Variants in RHBDL3 observed in about 807,000 individuals in gnomAD.
RHBDL3 encodes the protein rhomboid like 3.
Under a neutral mutation model 48.2 loss-of-function variants are expected in RHBDL3, and 28 were observed. That is an observed-to-expected ratio of 0.58 (90% CI 0.43 to 0.80). RHBDL3 has a LOEUF of 0.80. RHBDL3 is among the 30% of genes least tolerant of loss of function. The pLI, the probability that RHBDL3 is intolerant of heterozygous loss-of-function variation, is 0.00. For synonymous variants in RHBDL3, 208 were observed against 232.3 expected (o/e 0.90, Z 0.95); for missense variants, 464 against 542.7 (o/e 0.85, Z 1.44).
In RHBDL3 at chr17:32,321,280, G is replaced by A. The variant is rs893370200; in HGVS notation, c.*51G>A. ...GGGAGGGAAAAGCAGCACCCACAGGGAGCGCCTGCGAGGTTTCTTCTCATC... is the reference window on the plus strand; with the variant it reads ...GGGAGGGAAAAGCAGCACCCACAGGAAGCGCCTGCGAGGTTTCTTCTCATC... On this transcript the variant is annotated 3_prime_UTR_variant, in exon 9 of 9. Transcript: ENST00000269051. 1.2e-5 allele frequency: 19 copies of A among 1,610,634 alleles called. No homozygotes were observed. Among genetic ancestry groups the A allele is most frequent in the Non-Finnish European group, 1.6e-5 (19 of 1,179,284 alleles).
chr17:32,284,892 A>G (rs2040157845), intron 3 of RHBDL3, 75 bp downstream of exon 3: 3 of 1,336,994 alleles, frequency 2.2e-6, no homozygotes, highest in East Asian at 4.6e-5. Flanking sequence ...TAAAGGATTT[A>G]GGCAATTCAA....
At chr17:32,306,748 C>T (rs1230295016) in intron 7 of RHBDL3, among the ~76,000 whole-genome samples, 1 of 152,074 alleles carries the variant, frequency 6.6e-6, no homozygotes, top group Non-Finnish European at 1.5e-5. Flanking sequence ...TGGTGAAACT[C>T]CATCTCTATA....
At chr17:32,307,551 G>C (rs1416374244) in intron 7 of RHBDL3, among the ~76,000 whole-genome samples, 1 of 152,218 alleles carries the variant, frequency 6.6e-6, no homozygotes, top group Non-Finnish European at 1.5e-5. Context: ...AAGGAAGAGA[G>C]GGGGAGAGAT....
intron 5 of RHBDL3, 63 bp downstream of exon 5, chr17:32,294,505 G>A (rs1277058046): frequency 2.1e-5 from 31 of 1,445,464 alleles, no homozygotes; most frequent in African/African-American, 2.9e-5. Context: ...GGTCAAGATA[G>A]CCTGGATTGA....
intron 7 of RHBDL3, among the ~76,000 whole-genome samples, chr17:32,309,291 G>A (rs191389337): frequency 2.6e-5 from 4 of 151,824 alleles, no homozygotes; most frequent in Non-Finnish European, 4.4e-5. Flanking sequence ...GGTGGCTCAC[G>A]CCTGTAATCC....
chr17:32,317,599 G>A (rs757518883), intron 8 of RHBDL3, among the ~76,000 whole-genome samples: 23 of 152,196 alleles, frequency 1.5e-4, no homozygotes, highest in Non-Finnish European at 2.6e-4. Flanking sequence ...CATGGCCAGC[G>A]AGTTGGTTAG....
At position 32,322,535 on chromosome 17, in the gene RHBDL3, G is replaced by A. The variant is rs1463113599; in HGVS notation, c.*1306G>A. 1 of 152,294 alleles carries A rather than the reference G, an allele frequency of 6.6e-6. No individual in the cohort carries two copies. Among genetic ancestry groups the A allele is most frequent in the Admixed American group, 6.5e-5 (1 of 15,282 alleles). 9.4% of individuals were successfully genotyped at this position (152,294 alleles called of 1,614,324 possible). ...CAAGAGAGGCTGGGGTAGGAATGTT[G>A]AGGCCATGTGTCCATTTAAGTTAGG... On this transcript the variant is annotated 3_prime_UTR_variant, in exon 9 of 9. Transcript: ENST00000269051.
intron 1 of RHBDL3, chr17:32,267,673 C>CAGA: frequency 1.2e-6 from 1 of 855,650 alleles, no homozygotes; most frequent in Non-Finnish European, 1.5e-6. Flanking sequence ...CGCCCCCACC[C>CAGA]CATCCCTTAC....
At chr17:32,276,177 CAG>C (rs1449130618) in intron 2 of RHBDL3, among the ~76,000 whole-genome samples, 3 of 151,896 alleles carry the variant, frequency 2.0e-5, no homozygotes, top group African/African-American at 7.3e-5. Flanking sequence ...GGGAAAAGGT[CAG>C]GGGAAGGGTA....
intron 2 of RHBDL3, among the ~76,000 whole-genome samples, chr17:32,270,029 C>T (rs139931926): frequency 6.8e-6 from 1 of 147,760 alleles, no homozygotes; most frequent in African/African-American, 2.5e-5. Flanking sequence ...AGAATTAATT[C>T]TAGGAAAGAA....
intron 5 of RHBDL3, among the ~76,000 whole-genome samples, chr17:32,296,520 G>C (rs1216300164): frequency 1.3e-5 from 2 of 151,222 alleles, no homozygotes; most frequent in Non-Finnish European, 2.9e-5. Context: ...ATTTTTAGTA[G>C]AGATAGGGTT....
rs535730832 is a variant in RHBDL3 at position 32,276,719 on chromosome 17, C to T, written c.136-7940C>T. ...CTAGCACAGTACTCCGGCCCTAGCACCTTACTCCGGCCCTAGCACCTTACT... is the reference window on the plus strand; with the variant it reads ...CTAGCACAGTACTCCGGCCCTAGCATCTTACTCCGGCCCTAGCACCTTACT... On this transcript the variant is annotated intron_variant, in intron 2 of 8. Coordinates refer to ENST00000269051, the MANE Select transcript of RHBDL3 (RefSeq NM_138328.3). 2.3e-4 allele frequency among the ~76,000 whole-genome samples: 34 copies of T among 149,958 alleles called. 1 individual carries two copies. In the South Asian group the frequency reaches 5.3e-3, roughly 24 times the overall value.
intron 4 of RHBDL3, among the ~76,000 whole-genome samples, chr17:32,289,874 T>C (rs301343): frequency 0.25 from 37,773 of 152,208 alleles, 5,511 homozygotes; most frequent in African/African-American, 0.41. Flanking sequence ...AGTTCCTGCC[T>C]AATCAAAAGC....
rs545759609 is a variant in RHBDL3, at chr17:32,312,612, G to C, written c.883-3620G>C. Among the ~76,000 whole-genome samples, 7 of 152,156 alleles carry C rather than the reference G, an allele frequency of 4.6e-5. No individual in the cohort carries two copies. In the South Asian group the frequency reaches 1.5e-3, roughly 32 times the overall value. On this transcript the variant is annotated intron_variant, in intron 7 of 8. Coordinates refer to ENST00000269051, the MANE Select transcript of RHBDL3 (RefSeq NM_138328.3). Reference sequence around the variant, plus strand: ...GTCTCACTGCAGCCTCCACCTCCCAGGTTCAAGCAATTCTTGTGCCTCAGC... The same window carrying C: ...GTCTCACTGCAGCCTCCACCTCCCACGTTCAAGCAATTCTTGTGCCTCAGC...
At chr17:32,320,836 C>T in intron 8 of RHBDL3, 122 bp from the exon 9 acceptor site, 2 of 691,092 alleles carry the variant, frequency 2.9e-6, no homozygotes, top group South Asian at 3.4e-5. Context: ...TACTGTGTCC[C>T]CAGTGCAGAG....
chr17:32,301,066 G>C (rs1386070948), intron 6 of RHBDL3, among the ~76,000 whole-genome samples: 1 of 152,042 alleles, frequency 6.6e-6, no homozygotes, highest in Admixed American at 6.5e-5. Flanking sequence ...ATTTTTAGTA[G>C]AGACGGGGTT....
intron 5 of RHBDL3, among the ~76,000 whole-genome samples, chr17:32,296,366 CGTT>C (rs1399132265): frequency 9.4e-6 from 1 of 106,916 alleles, no homozygotes; most frequent in Non-Finnish European, 1.7e-5. Context: ...GATGGAGTCT[CGTT>C]GTGTCACCCA....
intron 1 of RHBDL3, 41 bp downstream of exon 1, chr17:32,266,341 G>A: frequency 6.9e-6 from 8 of 1,158,014 alleles, no homozygotes; most frequent in Non-Finnish European, 9.3e-6. Flanking sequence ...TCTAGGGGGC[G>A]CCGGGGGGAA....
chr17:32,294,954 TG>T (rs1251053676), intron 5 of RHBDL3, among the ~76,000 whole-genome samples: 2 of 152,232 alleles, frequency 1.3e-5, no homozygotes, highest in African/African-American at 4.8e-5. Context: ...CGGTTCTCAC[TG>T]GTGCCTCCCA....
Sources: gnomAD v4.1 joint callset for allele counts (sites outside exome capture counted in the v4.1 genomes callset) on GRCh38, gnomAD v4.1.1 for gene constraint, MANE v1.5 for transcripts, NCBI Gene and HGNC (gene_info 2026-07-23, HGNC 2026-07-21) for gene names.